The following TYR variants were observed in gnomAD, a reference collection of about 807,000 sequenced individuals.
TYR encodes LB24-AB.
TYR carries 58 observed loss-of-function variants against 51.5 expected under a neutral mutation model. The ratio of observed to expected loss-of-function variants is 1.13; its 90% CI spans 0.91 to 1.40. The LOEUF (loss-of-function observed/expected upper bound fraction) is 1.40, where lower values mean the gene tolerates loss of function less well. Ranked by LOEUF, TYR falls within the 40% of genes most tolerant of loss-of-function variation. TYR has a pLI of 0.00. For synonymous variants in TYR, 263 were observed against 235.2 expected, an observed-to-expected ratio of 1.12 and a Z score of -1.08; for missense variants, 732 against 647.4, an observed-to-expected ratio of 1.13 and a Z score of -1.42.
At chr11:89,283,237 C>T (rs1944739067) in intron 3 of TYR, among the ~76,000 whole-genome samples, 2 of 151,810 alleles carry the variant, frequency 1.3e-5, no homozygotes, top group African/African-American at 4.8e-5. Context: ...CAACTGAAAA[C>T]CAACTTTGAC....
At chr11:89,272,391 A>G (rs1461946091) in intron 3 of TYR, among the ~76,000 whole-genome samples, 1 of 151,114 alleles carries the variant, frequency 6.6e-6, no homozygotes, top group Admixed American at 6.6e-5. Context: ...TTTTGAATGA[A>G]ATCTTTTTTT....
At chr11:89,206,580 G>A (rs1357517749) in intron 2 of TYR, among the ~76,000 whole-genome samples, 2 of 152,060 alleles carry the variant, frequency 1.3e-5, no homozygotes, top group Non-Finnish European at 2.9e-5. Flanking sequence ...AACAGGACTA[G>A]GCAAAACATC....
chr11:89,189,811 G>A (rs1591141827), intron 1 of TYR, among the ~76,000 whole-genome samples: 1 of 152,190 alleles, frequency 6.6e-6, no homozygotes, highest in East Asian at 1.9e-4. Flanking sequence ...TCCTGTTCCA[G>A]GTTTTAACTT....
At chr11:89,199,383 T>C (rs1465597706) in intron 2 of TYR, among the ~76,000 whole-genome samples, 1 of 152,194 alleles carries the variant, frequency 6.6e-6, no homozygotes, top group Non-Finnish European at 1.5e-5. Flanking sequence ...ATTGACAAAG[T>C]AAAGTGAATT....
At chr11:89,226,049 T>TACTTTAAAAAGTGTGAGAGTATAC (rs879544620) in intron 2 of TYR, among the ~76,000 whole-genome samples, 217 of 152,196 alleles carry the variant, frequency 1.4e-3, no homozygotes, top group Non-Finnish European at 2.1e-3. Flanking sequence ...GTTTGGGACC[T>TACTTTAAAAAGTGTGAGAGTATAC]ACTTTAAAAA....
intron 3 of TYR, among the ~76,000 whole-genome samples, chr11:89,270,688 TA>T (rs1348495656): frequency 2.6e-5 from 4 of 151,868 alleles, no homozygotes; most frequent in Non-Finnish European, 4.4e-5. Context: ...TTGAATAATT[TA>T]AAAAATTTAA....
chr11:89,245,103 G>C lies in TYR; in HGVS notation c.1184+17133G>C, dbSNP rs137977233. On this transcript the variant is annotated intron_variant, in intron 3 of 4. Coordinates refer to ENST00000263321, the MANE Select transcript of TYR (RefSeq NM_000372.5). ...TTGTTTGGAATACAATTTTATGACT[G>C]GTGGTTCTGTGAAGAATGAGTAGAT... Among the ~76,000 whole-genome samples the C allele has an allele frequency of 8.7e-3, 1,330 of 152,254 alleles. 11 individuals carry two copies. Among genetic ancestry groups the C allele is most frequent in the African/African-American group, 0.031 (1,276 of 41,538 alleles).
At chr11:89,272,326 C>T (rs139839472) in intron 3 of TYR, among the ~76,000 whole-genome samples, 1,565 of 151,888 alleles carry the variant, frequency 0.01, 30 homozygotes, top group African/African-American at 0.036. Context: ...CAATATTCAT[C>T]TCCTTGTGTA....
At chr11:89,180,028 G>C (rs535970145) in intron 1 of TYR, among the ~76,000 whole-genome samples, 1 of 152,192 alleles carries the variant, frequency 6.6e-6, no homozygotes, top group East Asian at 1.9e-4. Context: ...GCCCAACCAA[G>C]TTTGTACCCC....
At chr11:89,220,606 A>T (rs1024556624) in intron 2 of TYR, among the ~76,000 whole-genome samples, 1 of 152,140 alleles carries the variant, frequency 6.6e-6, no homozygotes, top group African/African-American at 2.4e-5. Context: ...GTTACTACGA[A>T]GATAGCCGGG....
chr11:89,230,896 G>A (rs1180159488), intron 3 of TYR, among the ~76,000 whole-genome samples: 2 of 141,838 alleles, frequency 1.4e-5, no homozygotes, highest in Non-Finnish European at 3.0e-5. Context: ...AGAAGTATTA[G>A]AGACTATGTT....
chr11:89,250,331 A>G (rs1398777215), intron 3 of TYR, among the ~76,000 whole-genome samples: 5 of 151,936 alleles, frequency 3.3e-5, no homozygotes, highest in Admixed American at 1.3e-4. Flanking sequence ...GAGGCAAAGA[A>G]AGATTAAATA....
At chr11:89,292,908 A>C (rs1485280046) in intron 4 of TYR, among the ~76,000 whole-genome samples, 1 of 152,140 alleles carries the variant, frequency 6.6e-6, no homozygotes, top group Non-Finnish European at 1.5e-5. Flanking sequence ...CAGGGATTTC[A>C]ACTTTTTGTA....
At chr11:89,250,109 C>T (rs1432362626) in intron 3 of TYR, among the ~76,000 whole-genome samples, 1 of 151,814 alleles carries the variant, frequency 6.6e-6, no homozygotes, top group African/African-American at 2.4e-5. Flanking sequence ...TTAGAGAAAA[C>T]AATATTAGAC....
In TYR at chr11:89,227,812, T is replaced by G; in HGVS notation, c.1037-11T>G. ...GTAAACATATTTTTTTCATTTTTTT[T>G]TAATGAACAGGATTTGCTAGTCCAC... On this transcript the variant is annotated splice_polypyrimidine_tract_variant and intron_variant, in intron 2 of 4. Coordinates refer to ENST00000263321, the MANE Select transcript of TYR (RefSeq NM_000372.5). 6.2e-7 allele frequency: 1 copy of G among 1,611,180 alleles called. No homozygotes were observed. Among genetic ancestry groups the G allele is most frequent in the Non-Finnish European group, 8.5e-7 (1 of 1,179,120 alleles).
At chr11:89,248,074 T>G (rs1221903638) in intron 3 of TYR, among the ~76,000 whole-genome samples, 2 of 152,190 alleles carry the variant, frequency 1.3e-5, no homozygotes, top group Admixed American at 1.3e-4. Context: ...TCTGGCAAGC[T>G]GCTTATTCTT....
intron 3 of TYR, among the ~76,000 whole-genome samples, chr11:89,250,644 T>C (rs186452022): frequency 3.8e-4 from 58 of 152,072 alleles, no homozygotes; most frequent in African/African-American, 1.2e-3. Context: ...CTTTGACTTG[T>C]AGATGGCCAT....
At chr11:89,196,980 C>T (rs78388184) in intron 2 of TYR, among the ~76,000 whole-genome samples, 3,582 of 152,172 alleles carry the variant, frequency 0.024, 130 homozygotes, top group African/African-American at 0.08. Flanking sequence ...AGAAACTCCA[C>T]GTAAATACAT....
At chr11:89,214,416 C>A (rs989662039) in intron 2 of TYR, among the ~76,000 whole-genome samples, 10 of 151,992 alleles carry the variant, frequency 6.6e-5, no homozygotes, top group African/African-American at 2.4e-4. Flanking sequence ...AAATAGGAAC[C>A]CTTTTACACT....
Sources: gnomAD v4.1 joint callset for allele counts (sites outside exome capture counted in the v4.1 genomes callset) on GRCh38, gnomAD v4.1.1 for gene constraint, MANE v1.5 for transcripts, NCBI Gene and HGNC (gene_info 2026-07-23, HGNC 2026-07-21) for gene names.